Variants in PCDHGA2 observed in about 807,000 individuals in gnomAD.
PCDHGA2 encodes protocadherin gamma-A2.
In PCDHGA2, 40 loss-of-function variants were observed where a neutral mutation model predicts 59.2. The ratio of observed to expected loss-of-function variants is 0.68; its 90% confidence interval spans 0.52 to 0.88. PCDHGA2 has a LOEUF of 0.88. PCDHGA2 is among the 40% of genes least tolerant of loss of function. The probability of loss-of-function intolerance (pLI) is 0.00; values close to 1 mark genes in which losing one functional copy is unlikely to be tolerated. For missense variants in PCDHGA2, 1,226 were observed against 1,204.0 expected, an observed-to-expected ratio of 1.02 and a Z score of -0.27; for synonymous variants, 560 against 526.0, an observed-to-expected ratio of 1.06 and a Z score of -0.89.
At chr5:141,450,565 C>T (rs1024229182) in intron 1 of PCDHGA2, among the ~76,000 whole-genome samples, 2 of 152,016 alleles carry the variant, frequency 1.3e-5, no homozygotes, top group Non-Finnish European at 2.9e-5. Context: ...CGGCTCACTG[C>T]AACTTCTGCC....
chr5:141,421,965 C>T (rs775450008), intron 1 of PCDHGA2: 3 of 1,610,242 alleles, frequency 1.9e-6, no homozygotes, highest in Non-Finnish European at 2.5e-6. Context: ...TTACACAGTC[C>T]GTATATCGCG....
At chr5:141,345,000 G>A in intron 1 of PCDHGA2, 1 of 1,613,964 alleles carries the variant, frequency 6.2e-7, no homozygotes, top group Non-Finnish European at 8.5e-7. Context: ...TGAAGCACAG[G>A]ATGGACCAGG....
At chr5:141,418,403 G>T in intron 1 of PCDHGA2, 1 of 1,614,000 alleles carries the variant, frequency 6.2e-7, no homozygotes. Context: ...CTCATTGGTG[G>T]AGAAAGACAA....
intron 1 of PCDHGA2, chr5:141,375,208 C>T: frequency 1.2e-6 from 2 of 1,613,958 alleles, no homozygotes; most frequent in Non-Finnish European, 8.5e-7. Flanking sequence ...TCGATCGAGA[C>T]TCTGGCCTGA....
intron 1 of PCDHGA2, chr5:141,360,857 T>A (rs765284863): frequency 5.6e-6 from 9 of 1,613,894 alleles, no homozygotes; most frequent in Non-Finnish European, 7.6e-6. Context: ...AACCCTCCAG[T>A]GTTCAGCCAG....
chr5:141,375,231 C>A, intron 1 of PCDHGA2: 1 of 1,613,964 alleles, frequency 6.2e-7, no homozygotes. Context: ...GGCCTGGTAA[C>A]CTGTTCCATC....
intron 1 of PCDHGA2, chr5:141,418,551 T>A (rs766987131): frequency 1.2e-6 from 2 of 1,614,026 alleles, no homozygotes; most frequent in South Asian, 2.2e-5. Context: ...ATAAGAATCC[T>A]GGTAATAGAT....
intron 1 of PCDHGA2, chr5:141,371,305 T>G: frequency 6.2e-7 from 1 of 1,613,940 alleles, no homozygotes; most frequent in Non-Finnish European, 8.5e-7. Context: ...CTCACCACTA[T>G]TGGAGAACTG....
intron 1 of PCDHGA2, chr5:141,362,028 C>T (rs749282896): frequency 6.2e-7 from 1 of 1,608,888 alleles, no homozygotes; most frequent in East Asian, 2.2e-5. Flanking sequence ...CAGCGCGTGC[C>T]TTGGGCGACA....
At chr5:141,372,751 C>T (rs775212888) in intron 1 of PCDHGA2, 1 of 1,613,310 alleles carries the variant, frequency 6.2e-7, no homozygotes, top group Admixed American at 1.7e-5. Flanking sequence ...GATGAAGCCT[C>T]TTGGTTTGAA....
rs763676784 is a variant in PCDHGA2 at position 141,374,276 on chromosome 5, C to A, written c.2424+32881C>A. The A allele has an allele frequency of 4.3e-6, 7 of 1,613,974 alleles. No individual in the cohort carries two copies. In the Admixed American group the frequency reaches 8.3e-5, roughly 19 times the overall value. On this transcript the variant is annotated intron_variant, in intron 1 of 3. Transcript: ENST00000394576. ...CCAGGAGTTGGCGGAGCACGGAGTC[C>A]GCATCGTCTCCAGAGGTAGGATGCA...
At position 141,340,122 on chromosome 5, in the gene PCDHGA2, G is replaced by T; in HGVS notation, c.1151G>T (p.Cys384Phe). ...RDSGQNAFTTCSLPEDLPFKL... is the reference protein window; with the variant it reads ...RDSGQNAFTTFSLPEDLPFKL... ...TCTGGGCAGAACGCATTCACCACCT[G>T]TTCACTCCCCGAGGATCTTCCTTTT... Residue 384 changes from cysteine (C) to phenylalanine (F), a missense_variant, in exon 1 of 4, where the codon TGT (cysteine) becomes TTT (phenylalanine). Physicochemically the swap from Cys to Phe is radical, Grantham distance 205. Transcript: ENST00000394576. The T allele has an allele frequency of 6.2e-7, 1 of 1,614,128 alleles. No individual in the cohort carries two copies. The highest frequency in any genetic ancestry group is 8.5e-7 in the Non-Finnish European group (1 of 1,179,990).
chr5:141,394,987 T>G (rs2093144127), intron 1 of PCDHGA2: 1 of 1,613,874 alleles, frequency 6.2e-7, no homozygotes, highest in South Asian at 1.1e-5. Context: ...TCACGCCTGC[T>G]CCAGGATTCC....
At chr5:141,481,913 C>CAA (rs34114744) in intron 1 of PCDHGA2, among the ~76,000 whole-genome samples, 26 of 90,736 alleles carry the variant, frequency 2.9e-4, no homozygotes, top group Non-Finnish European at 3.5e-4. Context: ...AACTCCATCT[C>CAA]AAAAAAAAAA....
At position 141,338,838 on chromosome 5, in the gene PCDHGA2, C is replaced by A. The variant is rs1187461112; in HGVS notation, c.-134C>A. Reference sequence around the variant, plus strand: ...CTTCAGGACACCAAAGAAATTCAGTCGAACAGCCCACCAGTTCTCTCCATA... The same window carrying A: ...CTTCAGGACACCAAAGAAATTCAGTAGAACAGCCCACCAGTTCTCTCCATA... On this transcript the variant is annotated 5_prime_UTR_variant, in exon 1 of 4. Transcript: ENST00000394576. The A allele has an allele frequency of 7.2e-7, 1 of 1,394,352 alleles. No homozygotes were observed. The highest frequency in any genetic ancestry group is 1.4e-5 in the African/African-American group (1 of 69,098). The allele number at this position is 1,394,352 out of a possible 1,614,324, so 86.4% of individuals were successfully genotyped here. A position where few individuals can be genotyped will look rare whatever the true frequency, so the allele number is the denominator to read the frequency against.
chr5:141,385,560 T>C (rs920911668), intron 1 of PCDHGA2: 33 of 1,307,128 alleles, frequency 2.5e-5, no homozygotes, highest in Non-Finnish European at 3.0e-5. Context: ...ATTTTATAAT[T>C]TCCACCTACT....
rs765123370 is a variant in PCDHGA2, at chr5:141,365,478, C to A, written c.2424+24083C>A. On this transcript the variant is annotated intron_variant, in intron 1 of 3. Coordinates refer to ENST00000394576, the MANE Select transcript of PCDHGA2 (RefSeq NM_018915.4). ...GATTCTGGAGAAAATGGTGAGATTGCATGCTCTATTCCTAGGAATTTGCCT... is the reference window on the plus strand; with the variant it reads ...GATTCTGGAGAAAATGGTGAGATTGAATGCTCTATTCCTAGGAATTTGCCT... The A allele has an allele frequency of 8.1e-6, 13 of 1,614,014 alleles. No homozygotes were observed. In the South Asian group the frequency reaches 1.4e-4, roughly 18 times the overall value.
Position 141,432,044 on chromosome 5 carries a change from A to T in PCDHGA2, c.2425-62763A>T. 6.2e-7 allele frequency: 1 copy of T among 1,613,886 alleles called. No individual in the cohort carries two copies. Among genetic ancestry groups the T allele is most frequent in the Non-Finnish European group, 8.5e-7 (1 of 1,179,922 alleles). ...CACAGTGACCGCCACTGACCGGGGA[A>T]CCCCGCCCCTATCCACGGAAACTCA... On this transcript the variant is annotated intron_variant, in intron 1 of 3. Coordinates refer to ENST00000394576, the MANE Select transcript of PCDHGA2 (RefSeq NM_018915.4). This position sits in a 1 kb window ranked among gnomAD's most constrained non-coding sequence, Gnocchi z 6.0.
rs1358516648 is a variant in PCDHGA2, at chr5:141,489,199, A to C, written c.2425-5608A>C. The C allele has an allele frequency of 1.4e-6, 2 of 1,395,234 alleles. No individual in the cohort carries two copies. The highest frequency in any genetic ancestry group is 2.8e-5 in the South Asian group (2 of 71,520). The allele number at this position is 1,395,234 out of a possible 1,614,324, so 86.4% of individuals were successfully genotyped here. ...CAAGCCCTGGGTCTACCTTGGAGAC[A>C]GGACAGCACAGACTTACTCTCCACA... On this transcript the variant is annotated intron_variant, in intron 1 of 3. Transcript: ENST00000394576. The surrounding 1 kb of genome is among the most constrained non-coding windows in gnomAD (Gnocchi z 4.5).
Sources: allele counts gnomAD v4.1 joint callset (sites outside exome capture counted in the v4.1 genomes callset), GRCh38; gene constraint gnomAD v4.1.1; non-coding constraint Gnocchi (gnomAD v3.1); transcripts MANE v1.5; gene names NCBI Gene and HGNC (gene_info 2026-07-23, HGNC 2026-07-21).